ARHGAP42: variants seen among roughly 807,000 people sequenced by gnomAD.
ARHGAP42 encodes the protein rho GTPase-activating protein 42.
A neutral mutation model predicts 125.0 loss-of-function variants in ARHGAP42; 63 were observed. The ratio of observed to expected loss-of-function variants is 0.50; its 90% confidence interval spans 0.41 to 0.62. The LOEUF (loss-of-function observed/expected upper bound fraction) is 0.62, where lower values mean the gene tolerates loss of function less well. Among genes scored for constraint, ARHGAP42 ranks in the 20% least tolerant of loss-of-function variants. The pLI is 0.00. For missense variants in ARHGAP42, 766 were observed against 1,024.2 expected (o/e 0.75, Z 3.44); for synonymous variants, 339 against 351.0 (o/e 0.97, Z 0.38).
At chr11:100,925,475 C>T (rs566254282) in intron 6 of ARHGAP42, among the ~76,000 whole-genome samples, 5 of 152,170 alleles carry the variant, frequency 3.3e-5, no homozygotes, top group East Asian at 3.9e-4. Flanking sequence ...CAGTAGCTCA[C>T]GCCTGTAATC....
intron 1 of ARHGAP42, among the ~76,000 whole-genome samples, chr11:100,693,476 C>A (rs1861226256): frequency 6.6e-6 from 1 of 152,102 alleles, no homozygotes; most frequent in South Asian, 2.1e-4. Context: ...TAAATGTGAG[C>A]CTTGGCACTC....
intron 3 of ARHGAP42, among the ~76,000 whole-genome samples, chr11:100,814,565 G>A (rs1380479434): frequency 1.3e-5 from 2 of 152,116 alleles, no homozygotes; most frequent in African/African-American, 4.8e-5. Flanking sequence ...TCTGCAGGCT[G>A]TACAGGAAGC....
intron 4 of ARHGAP42, among the ~76,000 whole-genome samples, chr11:100,906,124 G>A (rs1446464807): frequency 6.6e-6 from 1 of 152,168 alleles, no homozygotes; most frequent in Non-Finnish European, 1.5e-5. Flanking sequence ...GGAGTTCCCT[G>A]TGACTCTTAA....
At chr11:100,965,911 A>G in intron 17 of ARHGAP42, 135 bp downstream of exon 17, 3 of 757,382 alleles carry the variant, frequency 4.0e-6, no homozygotes, top group East Asian at 2.7e-5. Flanking sequence ...AAAAAATAGT[A>G]TGGCAGTTTG....
chr11:100,819,498 A>C (rs1211914267), intron 3 of ARHGAP42, among the ~76,000 whole-genome samples: 2 of 152,130 alleles, frequency 1.3e-5, no homozygotes, highest in African/African-American at 4.8e-5. Flanking sequence ...GATAGTAGGA[A>C]ATTTGCTGAG....
intron 1 of ARHGAP42, among the ~76,000 whole-genome samples, chr11:100,729,722 T>C (rs1427381347): frequency 1.3e-5 from 2 of 152,144 alleles, no homozygotes; most frequent in African/African-American, 4.8e-5. Flanking sequence ...GTCTACTGAA[T>C]ATAATAGAAT....
At chr11:100,913,605 A>G in intron 5 of ARHGAP42, 52 bp downstream of exon 5, 1 of 979,518 alleles carries the variant, frequency 1.0e-6, no homozygotes, top group Non-Finnish European at 1.4e-6. Flanking sequence ...ATATAAAGTC[A>G]AAATTTCCAA....
intron 1 of ARHGAP42, among the ~76,000 whole-genome samples, chr11:100,689,922 A>T (rs1185455833): frequency 6.6e-6 from 1 of 152,132 alleles, no homozygotes; most frequent in East Asian, 1.9e-4. Context: ...CTTAGGAAGG[A>T]TGCTCTGAGG....
chr11:100,715,894 A>G (rs560597948), intron 1 of ARHGAP42, among the ~76,000 whole-genome samples: 20 of 152,328 alleles, frequency 1.3e-4, no homozygotes, highest in African/African-American at 4.8e-4. Context: ...ACTAACGTGG[A>G]TGGTTTCAGA....
intron 11 of ARHGAP42, among the ~76,000 whole-genome samples, 164 bp downstream of exon 11, chr11:100,948,699 A>G (rs482050): frequency 0.88 from 133,986 of 151,910 alleles, 59,178 homozygotes; most frequent in East Asian, 1. Flanking sequence ...AGTCTCACTC[A>G]TGGCCCATAA....
chr11:100,875,071 CTG>C (rs1325230945), intron 4 of ARHGAP42, among the ~76,000 whole-genome samples: 6 of 90,270 alleles, frequency 6.6e-5, no homozygotes, highest in East Asian at 4.3e-4. Flanking sequence ...ATCTAATCCA[CTG>C]TCTCTCTCTC....
intron 1 of ARHGAP42, among the ~76,000 whole-genome samples, chr11:100,756,222 CAAAAAAAA>C (rs56164175): frequency 4.2e-5 from 2 of 47,930 alleles, no homozygotes; most frequent in Non-Finnish European, 7.3e-5. Context: ...CTTGTCTCTA[CAAAAAAAA>C]AAAAAAAAAA....
intron 4 of ARHGAP42, among the ~76,000 whole-genome samples, chr11:100,897,289 G>A (rs1437726130): frequency 1.3e-5 from 2 of 152,160 alleles, no homozygotes; most frequent in Admixed American, 6.5e-5. Context: ...CTCCAGCTTT[G>A]TTCTTTTTGC....
chr11:100,875,805 G>A (rs1865812270), intron 4 of ARHGAP42, among the ~76,000 whole-genome samples: 1 of 152,116 alleles, frequency 6.6e-6, no homozygotes, highest in Non-Finnish European at 1.5e-5. Flanking sequence ...TTAAAGAGTA[G>A]CATAAAGAGG....
intron 1 of ARHGAP42, among the ~76,000 whole-genome samples, chr11:100,749,546 G>C (rs566981045): frequency 2.0e-5 from 3 of 152,288 alleles, no homozygotes; most frequent in African/African-American, 7.2e-5. Flanking sequence ...GCCCTGGAAG[G>C]TTGACCTGTT....
intron 3 of ARHGAP42, among the ~76,000 whole-genome samples, chr11:100,856,948 C>G (rs1405679480): frequency 6.6e-6 from 1 of 151,978 alleles, no homozygotes; most frequent in Non-Finnish European, 1.5e-5. Context: ...CACTTAGATT[C>G]AAATGAAGCT....
chr11:100,737,287 T>C (rs1862086855), intron 1 of ARHGAP42, among the ~76,000 whole-genome samples: 1 of 152,198 alleles, frequency 6.6e-6, no homozygotes, highest in African/African-American at 2.4e-5. Context: ...TGAATACAAA[T>C]GAAGCAAGTC....
intron 1 of ARHGAP42, among the ~76,000 whole-genome samples, chr11:100,708,617 T>G (rs745345581): frequency 6.6e-6 from 1 of 152,176 alleles, no homozygotes; most frequent in Non-Finnish European, 1.5e-5. Context: ...CAAAGTAACA[T>G]CACTATTAAA....
At chr11:100,983,387 C>T (rs548091734) in intron 22 of ARHGAP42, among the ~76,000 whole-genome samples, 4 of 152,062 alleles carry the variant, frequency 2.6e-5, no homozygotes, top group African/African-American at 7.2e-5. Context: ...AATGAATTGT[C>T]ATATACATTC....
Sources: gnomAD v4.1 joint callset for allele counts (sites outside exome capture counted in the v4.1 genomes callset) on GRCh38, gnomAD v4.1.1 for gene constraint, MANE v1.5 for transcripts, NCBI Gene and HGNC (gene_info 2026-07-23, HGNC 2026-07-21) for gene names.